The following DOCK8 variants were observed in gnomAD, a reference collection of about 807,000 sequenced individuals.
DOCK8 encodes dedicator of cytokinesis protein 8.
A neutral mutation model predicts 245.6 loss-of-function variants in DOCK8; 141 were observed. The ratio of observed to expected loss-of-function variants is 0.57; its 90% CI spans 0.50 to 0.66. The LOEUF is 0.66. DOCK8 is among the 30% of genes least tolerant of loss of function. DOCK8 has a pLI of 0.00. For synonymous variants in DOCK8, 1,168 were observed against 970.2 expected, an observed-to-expected ratio of 1.20 and a Z score of -3.79; for missense variants, 2,965 against 2,603.4, an observed-to-expected ratio of 1.14 and a Z score of -3.02.
At chr9:420,821 G>A in intron 31 of DOCK8, 128 bp from the exon 32 acceptor site, 2 of 1,366,936 alleles carry the variant, frequency 1.5e-6, no homozygotes, top group South Asian at 1.2e-5. Flanking sequence ...GGATGCTCCA[G>A]AGCAGCATCT....
intron 1 of DOCK8, among the ~76,000 whole-genome samples, chr9:238,933 A>C (rs1192354985): frequency 6.7e-6 from 1 of 149,022 alleles, no homozygotes; most frequent in Non-Finnish European, 1.5e-5. Flanking sequence ...CCATCCTATC[A>C]CAGCTTGCAC....
Position 434,836 on chromosome 9 carries a change from A to T in DOCK8, c.4940A>T (p.Asn1647Ile), listed in dbSNP as rs1456647445. Residue 1647 changes from asparagine to isoleucine, a missense_variant, in exon 39 of 48, where the codon AAC (asparagine) becomes ATC (isoleucine). By Grantham distance (149) the Asn-to-Ile change is moderately radical. Coordinates refer to ENST00000432829, the MANE Select transcript of DOCK8 (RefSeq NM_203447.4). ...GATCTGCGGCTGACCTGGCTCCAGA[A>T]CATGGCAGAGAAACACACCAAGAAG... ...SPDLRLTWLQ[N>I]MAEKHTKKKC... 9 of 1,614,078 alleles carry T rather than the reference A, an allele frequency of 5.6e-6. No homozygotes were observed. The highest frequency in any genetic ancestry group is 7.6e-6 in the Non-Finnish European group (9 of 1,180,062).
chr9:289,396 A>G (rs956360144), intron 3 of DOCK8, 114 bp from the exon 4 acceptor site: 4 of 822,452 alleles, frequency 4.9e-6, no homozygotes, highest in East Asian at 2.6e-5. Flanking sequence ...GAACATCCTA[A>G]GCATTCTCAC....
intron 14 of DOCK8, among the ~76,000 whole-genome samples, chr9:344,300 T>G (rs895623948): frequency 6.6e-6 from 1 of 152,234 alleles, no homozygotes; most frequent in African/African-American, 2.4e-5. Flanking sequence ...GAACTTGGTT[T>G]GGAATCTTAC....
intron 14 of DOCK8, 131 bp downstream of exon 14, chr9:340,452 C>A: frequency 8.5e-7 from 1 of 1,175,546 alleles, no homozygotes; most frequent in Non-Finnish European, 1.2e-6. Context: ...AAAACCGTGT[C>A]TCTACAACAT....
At chr9:351,419 A>G (rs2052161488) in intron 14 of DOCK8, among the ~76,000 whole-genome samples, 1 of 152,224 alleles carries the variant, frequency 6.6e-6, no homozygotes, top group Admixed American at 6.5e-5. Flanking sequence ...CTCACTCACC[A>G]ATCACCAAGG....
In DOCK8 at chr9:419,014, G is replaced by A. The variant is rs2056159845; in HGVS notation, c.3840+807G>A. On this transcript the variant is annotated intron_variant, in intron 30 of 47. Transcript: ENST00000432829. ...CTCTGTCCTTTTGCATGGACTCTGT[G>A]GGCTCAAAGAGGGGCTCCTCTGGGA... Among the ~76,000 whole-genome samples, 2 of 152,132 alleles carry A rather than the reference G, an allele frequency of 1.3e-5. 1 individual carries two copies. The highest frequency in any genetic ancestry group is 4.1e-4 in the South Asian group (2 of 4,832).
At position 368,044 on chromosome 9, in the gene DOCK8, G is replaced by A; in HGVS notation, c.1706G>A (p.Arg569Lys). 1 of 1,614,108 alleles carries A rather than the reference G, an allele frequency of 6.2e-7. No homozygotes were observed. The highest frequency in any genetic ancestry group is 8.5e-7 in the Non-Finnish European group (1 of 1,179,986). The change falls in exon 15 of 48, where the codon AGG becomes AAG. Residue 569 changes from arginine to lysine, a missense_variant. Arg to Lys is a conservative substitution (Grantham distance 26, BLOSUM62 2). Transcript: ENST00000432829. ...YRNLLYVYPQ[R>K]LNFVNKLASA... ...AACCTTCTCTATGTCTACCCACAGA[G>A]GCTGAACTTTGTAAACAAACTAGCA... is the stretch of plus-strand genomic sequence containing the variant.
intron 17 of DOCK8, 58 bp from the exon 18 acceptor site, chr9:372,127 T>A: frequency 6.9e-7 from 1 of 1,449,014 alleles, no homozygotes; most frequent in African/African-American, 1.4e-5. Flanking sequence ...GCTAGATAAA[T>A]TATCAGAATT....
At chr9:417,110 C>G (rs1586969629) in intron 29 of DOCK8, among the ~76,000 whole-genome samples, 1 of 152,158 alleles carries the variant, frequency 6.6e-6, no homozygotes, top group African/African-American at 2.4e-5. Context: ...GCCTGGCCAA[C>G]ATGGCGAAAC....
intron 32 of DOCK8, 50 bp downstream of exon 32, chr9:421,128 T>C (rs2056260143): frequency 1.2e-6 from 2 of 1,611,840 alleles, no homozygotes; most frequent in Non-Finnish European, 1.7e-6. Flanking sequence ...TTTTTCACTG[T>C]TTGTGGGGAG....
intron 1 of DOCK8, among the ~76,000 whole-genome samples, chr9:229,719 T>C (rs745556106): frequency 5.9e-5 from 9 of 151,662 alleles, no homozygotes; most frequent in African/African-American, 7.3e-5. Flanking sequence ...AAAAAGAAAA[T>C]AGAGACAGAG....
rs2057458667 is a variant in DOCK8, at chr9:451,925, ATGTATGTGTATATATATATGTGTG to A, written c.5962-82_5962-59del. 36 of 262,730 alleles carry A rather than the reference ATGTATGTGTATATATATATGTGTG, an allele frequency of 1.4e-4. No homozygotes were observed. The South Asian group carries it at 1.5e-3, about 11-fold the overall frequency. 16.3% of individuals were successfully genotyped at this position (262,730 alleles called of 1,614,324 possible). ...CATATACATATGCATATACATATAT[ATGTATGTGTATATATATATGTGTG>A]TGTGTGTATATATATATATATATAT... On this transcript the variant is annotated intron_variant, in intron 45 of 47. Transcript: ENST00000432829.
chr9:433,022 T>G (rs2056772769), intron 37 of DOCK8, among the ~76,000 whole-genome samples: 2 of 152,262 alleles, frequency 1.3e-5, no homozygotes, highest in South Asian at 2.1e-4. Flanking sequence ...TTTTCTTTTA[T>G]TCCCTTAGTC....
rs1318822540 is a variant in DOCK8, at chr9:463,562, C to G, written c.6114C>G (p.Asp2038Glu). The G allele has an allele frequency of 2.5e-6, 4 of 1,613,986 alleles. No individual in the cohort carries two copies. Among genetic ancestry groups the G allele is most frequent in the Non-Finnish European group, 3.4e-6 (4 of 1,180,046 alleles). The change falls in exon 47 of 48, where the codon GAC becomes GAG. Residue 2038 changes from aspartate (D) to glutamate (E), a missense_variant. Physicochemically the swap from Asp to Glu is conservative, Grantham distance 45. Coordinates refer to ENST00000432829, the MANE Select transcript of DOCK8 (RefSeq NM_203447.4). ...AAAACAAGCGTCTCATCACGGCAGA[C>G]CAGAGGGAATATCAGCAGGAACTCA... ...VEKNKRLITA[D>E]QREYQQELKK...
rs188132602 is a variant in DOCK8, at chr9:412,942, A to G, written c.3531-1840A>G. 4.4e-3 allele frequency among the ~76,000 whole-genome samples: 658 copies of G among 151,020 alleles called. 4 individuals are homozygous for G. The highest frequency in any genetic ancestry group is 0.014 in the African/African-American group (584 of 40,994). On this transcript the variant is annotated intron_variant, in intron 28 of 47. Transcript: ENST00000432829. ...ATTCGTGTGGAAATTCAAGGGACCC[A>G]GTATAGCCAAAACAACCTTGAAAAA...
intron 9 of DOCK8, among the ~76,000 whole-genome samples, chr9:329,372 C>T (rs572364098): frequency 1.7e-4 from 26 of 152,190 alleles, no homozygotes; most frequent in African/African-American, 5.1e-4. Context: ...TCTCAGTGAT[C>T]GCCCCATGAT....
chr9:262,518 A>G (rs1370398316), intron 1 of DOCK8, among the ~76,000 whole-genome samples: 2 of 125,092 alleles, frequency 1.6e-5, no homozygotes, highest in Non-Finnish European at 3.6e-5. Flanking sequence ...CTACTAATAC[A>G]CAGTGCAATA....
chr9:384,841 G>A (rs1042915807), intron 22 of DOCK8, among the ~76,000 whole-genome samples: 12 of 152,280 alleles, frequency 7.9e-5, no homozygotes, highest in South Asian at 2.1e-4. Context: ...GCGTGAACCC[G>A]GGAGGCGGAG....
Sources: gnomAD v4.1 joint callset for allele counts (sites outside exome capture counted in the v4.1 genomes callset) on GRCh38, gnomAD v4.1.1 for gene constraint, MANE v1.5 for transcripts, NCBI Gene and HGNC (gene_info 2026-07-23, HGNC 2026-07-21) for gene names.